RAB27B: variants seen among roughly 807,000 people sequenced by gnomAD.
RAB27B encodes ras-related protein Rab-27B.
Under a neutral mutation model 24.6 loss-of-function variants are expected in RAB27B, and 15 were observed. The observed-to-expected ratio is 0.61, with a 90% CI of 0.41 to 0.94. RAB27B has a LOEUF of 0.94. RAB27B is among the 40% of genes least tolerant of loss of function. The pLI, the probability that RAB27B is intolerant of heterozygous loss-of-function variation, is 0.00. For missense variants in RAB27B, 261 were observed against 266.8 expected (o/e 0.98, Z 0.15); for synonymous variants, 105 against 92.5 (o/e 1.14, Z -0.78).
rs1324631444 is a variant in RAB27B, at chr18:54,894,759, AAT to A, written c.*5348_*5349del. 6.6e-6 allele frequency: 1 copy of A among 152,102 alleles called. No individual in the cohort carries two copies. The highest frequency in any genetic ancestry group is 1.5e-5 in the Non-Finnish European group (1 of 67,976). The allele number at this position is 152,102 out of a possible 1,614,324, so 9.4% of individuals were successfully genotyped here. On this transcript the variant is annotated 3_prime_UTR_variant, in exon 6 of 6. Coordinates refer to ENST00000262094, the MANE Select transcript of RAB27B (RefSeq NM_004163.4). Reference sequence around the variant, plus strand: ...TTTGTAAATTATGTTCCATTTCATAAATAGACACTATTCACAAACTAAAATCT... The same window carrying A: ...TTTGTAAATTATGTTCCATTTCATAAAGACACTATTCACAAACTAAAATCT...
chr18:54,752,952 G>C (rs1380109570), intron 2 of RAB27B, among the ~76,000 whole-genome samples: 4 of 152,162 alleles, frequency 2.6e-5, no homozygotes, highest in African/African-American at 9.7e-5. Context: ...TAGAGGAAGT[G>C]ATATAGAGGA....
At chr18:54,886,135 A>T (rs1247319170) in intron 4 of RAB27B, among the ~76,000 whole-genome samples, 2 of 151,872 alleles carry the variant, frequency 1.3e-5, no homozygotes, top group African/African-American at 4.8e-5. Flanking sequence ...TTCAAGTTTT[A>T]CCCAAACCTT....
rs1405830907 is a variant in RAB27B, at chr18:54,893,640, A to G, written c.*4227A>G. On this transcript the variant is annotated 3_prime_UTR_variant, in exon 6 of 6. Coordinates refer to ENST00000262094, the MANE Select transcript of RAB27B (RefSeq NM_004163.4). Reference sequence around the variant, plus strand: ...ATTCTCTGGGATGAGTGTCATTTCAATGCTTTATAAATCCATGAAGCTGCT... The same window carrying G: ...ATTCTCTGGGATGAGTGTCATTTCAGTGCTTTATAAATCCATGAAGCTGCT... 2 of 152,134 alleles carry G rather than the reference A, an allele frequency of 1.3e-5. No homozygotes were observed. Among genetic ancestry groups the G allele is most frequent in the African/African-American group, 2.4e-5 (1 of 41,552 alleles). 9.4% of individuals were successfully genotyped at this position (152,134 alleles called of 1,614,324 possible).
intron 2 of RAB27B, among the ~76,000 whole-genome samples, chr18:54,822,977 A>G (rs528924420): frequency 2.6e-5 from 4 of 152,380 alleles, no homozygotes; most frequent in Admixed American, 6.5e-5. Flanking sequence ...GTATATCTTC[A>G]TTACACATTC....
intron 1 of RAB27B, among the ~76,000 whole-genome samples, chr18:54,866,175 A>G (rs1912213564): frequency 1.3e-5 from 2 of 152,166 alleles, no homozygotes; most frequent in Non-Finnish European, 2.9e-5. Context: ...CCTGCTAGCA[A>G]CACTGTCCTA....
intron 2 of RAB27B, among the ~76,000 whole-genome samples, chr18:54,810,874 A>G (rs1280077914): frequency 2.0e-5 from 3 of 149,766 alleles, no homozygotes; most frequent in Non-Finnish European, 3.0e-5. Context: ...ATAAATAAAT[A>G]AATAAATAAG....
At chr18:54,866,864 G>C (rs1473665596) in intron 1 of RAB27B, among the ~76,000 whole-genome samples, 1 of 152,134 alleles carries the variant, frequency 6.6e-6, no homozygotes, top group East Asian at 1.9e-4. Flanking sequence ...CCAATTCAAG[G>C]CACCACCATA....
chr18:54,793,004 GAATTATTTTTA>G (rs888034144), intron 2 of RAB27B, among the ~76,000 whole-genome samples: 1 of 151,650 alleles, frequency 6.6e-6, no homozygotes, highest in African/African-American at 2.4e-5. Flanking sequence ...TGCATCCCAT[GAATTATTTTTA>G]ATCTGCATTT....
intron 1 of RAB27B, among the ~76,000 whole-genome samples, chr18:54,844,408 C>CTTTTTTTTT (rs148747981): frequency 5.2e-4 from 56 of 107,872 alleles, no homozygotes; most frequent in African/African-American, 1.0e-3. Flanking sequence ...CTTTTCTTTT[C>CTTTTTTTTT]TTTTTTTTTT....
intron 2 of RAB27B, among the ~76,000 whole-genome samples, chr18:54,733,204 C>A (rs961959543): frequency 3.3e-5 from 5 of 152,034 alleles, no homozygotes; most frequent in Non-Finnish European, 7.4e-5. Context: ...TACCACCATG[C>A]CTGGCTAATT....
At chr18:54,883,350 G>A (rs939535907) in intron 3 of RAB27B, among the ~76,000 whole-genome samples, 3 of 152,144 alleles carry the variant, frequency 2.0e-5, no homozygotes, top group Non-Finnish European at 4.4e-5. Context: ...ATAGACCTCT[G>A]AGGAAACCAA....
intron 2 of RAB27B, among the ~76,000 whole-genome samples, chr18:54,746,424 C>T (rs75365823): frequency 0.012 from 1,815 of 152,244 alleles, 49 homozygotes; most frequent in African/African-American, 0.041. Flanking sequence ...TGAAGTATTG[C>T]TACATGGGTC....
intron 5 of RAB27B, 120 bp from the exon 6 acceptor site, chr18:54,889,104 C>T (rs1338651492): frequency 7.1e-6 from 7 of 982,996 alleles, no homozygotes; most frequent in East Asian, 2.8e-5. Flanking sequence ...GCCAGCAAAA[C>T]CATAATCATT....
chr18:54,866,095 CA>C (rs149707740), intron 1 of RAB27B, among the ~76,000 whole-genome samples: 4,718 of 145,170 alleles, frequency 0.032, 250 homozygotes, highest in African/African-American at 0.11. Flanking sequence ...TTATCAAAAA[CA>C]AAAAAAAAAC....
intron 2 of RAB27B, among the ~76,000 whole-genome samples, chr18:54,796,247 G>A (rs961068775): frequency 6.6e-6 from 1 of 152,132 alleles, no homozygotes; most frequent in Admixed American, 6.5e-5. Context: ...CTAGGGGTGG[G>A]TGTCTGTGAC....
At chr18:54,852,281 T>C (rs559046808) in intron 1 of RAB27B, among the ~76,000 whole-genome samples, 2 of 152,210 alleles carry the variant, frequency 1.3e-5, no homozygotes, top group South Asian at 2.1e-4. Context: ...CCTACTTATA[T>C]AGGAGGGATC....
Position 54,736,742 on chromosome 18 carries a change from G to A in RAB27B, c.-20+18601G>A, listed in dbSNP as rs148294597. 2.5e-3 allele frequency among the ~76,000 whole-genome samples: 373 copies of A among 152,200 alleles called. 4 individuals carry two copies. In the South Asian group the frequency reaches 0.028, roughly 11 times the overall value. ...TTTCTAGGCTAAGGGGGGTTTTGGA[G>A]GGAATTGAGTGAGGAATTTCAGGAA... On this transcript the variant is annotated intron_variant, in intron 2 of 4. Transcript: ENST00000586570.
chr18:54,865,917 G>A (rs947113226), intron 1 of RAB27B, among the ~76,000 whole-genome samples: 1 of 152,150 alleles, frequency 6.6e-6, no homozygotes, highest in Non-Finnish European at 1.5e-5. Context: ...GGAATTTATA[G>A]GTTGGAAGTA....
chr18:54,719,913 G>A (rs1056668633), intron 2 of RAB27B, among the ~76,000 whole-genome samples: 2 of 151,906 alleles, frequency 1.3e-5, no homozygotes, highest in Non-Finnish European at 2.9e-5. Flanking sequence ...CATTACACAT[G>A]TCTTGTTAAT....
Sources: allele counts gnomAD v4.1 joint callset (sites outside exome capture counted in the v4.1 genomes callset), GRCh38; gene constraint gnomAD v4.1.1; transcripts MANE v1.5; gene names NCBI Gene and HGNC (gene_info 2026-07-23, HGNC 2026-07-21).